CEP70: variants seen among roughly 807,000 people sequenced by gnomAD.
CEP70 encodes the protein centrosomal protein of 70 kDa.
CEP70 carries 70 observed loss-of-function variants against 90.9 expected under a neutral mutation model. That is an observed-to-expected ratio of 0.77 (90% CI 0.64 to 0.94). CEP70 has a LOEUF of 0.94. CEP70 is among the 40% of genes least tolerant of loss of function. The probability of loss-of-function intolerance (pLI) is 0.00; values close to 1 mark genes in which losing one functional copy is unlikely to be tolerated. For synonymous variants in CEP70, 220 were observed against 228.3 expected (o/e 0.96, Z 0.33); for missense variants, 648 against 669.0 (o/e 0.97, Z 0.35).
rs190935540 is a variant in CEP70 at position 138,551,702 on chromosome 3, C to T, written c.466-14355G>A. The stretch of plus-strand genomic sequence containing the variant: ...CAGAGGTTGCAGTGAGCCGATATCC[C>T]GCCACTGCACTCCAGCCTGGGTGAC... On this transcript the variant is annotated intron_variant, in intron 6 of 17. Coordinates refer to ENST00000264982, the MANE Select transcript of CEP70 (RefSeq NM_024491.4). 7.9e-4 allele frequency among the ~76,000 whole-genome samples: 119 copies of T among 150,922 alleles called. 1 individual carries two copies. In the East Asian group the frequency reaches 0.021, roughly 26 times the overall value.
chr3:138,570,581 C>T, intron 5 of CEP70, 83 bp from the exon 6 acceptor site: 1 of 1,068,922 alleles, frequency 9.4e-7, no homozygotes, highest in Non-Finnish European at 1.4e-6. Flanking sequence ...GAATGTATTG[C>T]CTTTCTAAAG....
Position 138,508,465 on chromosome 3 carries a change from C to T in CEP70, c.1024G>A (p.Ala342Thr), listed in dbSNP as rs1334787785. Reference protein sequence around the residue: ...DEPSKYNQQQALIDQRYFQVL... With the variant: ...DEPSKYNQQQTLIDQRYFQVL... ...TGAAAGTATCTCTGGTCAATTAGGG[C>T]CTGTTGCTGATTATATTTGCTGGGC... The change falls in exon 12 of 18, where the codon GCC (alanine) becomes ACC (threonine). Residue 342 changes from alanine (A) to threonine (T), a missense_variant. Physicochemically the swap from Ala to Thr is moderately conservative, Grantham distance 58. Transcript: ENST00000264982. 6.2e-7 allele frequency: 1 copy of T among 1,610,434 alleles called. No individual in the cohort carries two copies. Among genetic ancestry groups the T allele is most frequent in the Non-Finnish European group, 8.5e-7 (1 of 1,176,988 alleles).
intron 3 of CEP70, 65 bp downstream of exon 3, chr3:138,572,794 T>C: frequency 8.6e-6 from 9 of 1,044,238 alleles, no homozygotes; most frequent in Middle Eastern, 2.1e-4. Context: ...ATTTTCCTGT[T>C]TGTAGATGTA....
chr3:138,521,577 T>C (rs28719641), intron 11 of CEP70, among the ~76,000 whole-genome samples: 81,929 of 142,976 alleles, frequency 0.57, 24,011 homozygotes, highest in African/African-American at 0.78. Flanking sequence ...CCGGCCGCCC[T>C]GTCTGGGAGG....
chr3:138,548,046 A>G (rs1041121845), intron 6 of CEP70, among the ~76,000 whole-genome samples: 2 of 152,216 alleles, frequency 1.3e-5, no homozygotes, highest in Non-Finnish European at 2.9e-5. Context: ...TTATCCTGAT[A>G]CCAAAGCCAG....
intron 11 of CEP70, among the ~76,000 whole-genome samples, chr3:138,519,952 G>C (rs1366882868): frequency 4.6e-5 from 7 of 152,128 alleles, no homozygotes; most frequent in Non-Finnish European, 8.8e-5. Flanking sequence ...CACATGCAGA[G>C]ACACACATAG....
chr3:138,560,839 G>C (rs985048399), intron 6 of CEP70, among the ~76,000 whole-genome samples: 3 of 152,058 alleles, frequency 2.0e-5, no homozygotes, highest in African/African-American at 7.2e-5. Context: ...CTCTGGGTAG[G>C]GCACCTCTGA....
chr3:138,583,083 T>A (rs1576943692), intron 2 of CEP70, among the ~76,000 whole-genome samples: 1 of 152,228 alleles, frequency 6.6e-6, no homozygotes, highest in East Asian at 1.9e-4. Context: ...ACTTCACCTA[T>A]AAAGACACAT....
intron 11 of CEP70, among the ~76,000 whole-genome samples, chr3:138,515,467 CAA>C (rs145902706): frequency 2.1e-4 from 14 of 65,400 alleles, no homozygotes; most frequent in African/African-American, 6.7e-4. Context: ...CATAGAAATG[CAA>C]AAAAAAAAAA....
intron 6 of CEP70, among the ~76,000 whole-genome samples, chr3:138,559,629 G>A (rs2040255241): frequency 1.3e-5 from 2 of 152,196 alleles, no homozygotes; most frequent in African/African-American, 4.8e-5. Context: ...GGTGACTGAG[G>A]TGGGAGGATC....
chr3:138,520,591 C>A (rs571942020), intron 11 of CEP70, among the ~76,000 whole-genome samples: 1 of 152,178 alleles, frequency 6.6e-6, no homozygotes, highest in East Asian at 1.9e-4. Flanking sequence ...CTACTGGGTA[C>A]ATAACAAAAT....
chr3:138,522,040 G>C lies in CEP70; in HGVS notation c.944+3450C>G, dbSNP rs570687027. On this transcript the variant is annotated intron_variant, in intron 11 of 17. Coordinates refer to ENST00000264982, the MANE Select transcript of CEP70 (RefSeq NM_024491.4). ...GTCAACTCAGGGTTAAATGGATTAAGGGCGGTGCAAGATGTGCTTTGTTAA... is the reference window on the plus strand; with the variant it reads ...GTCAACTCAGGGTTAAATGGATTAACGGCGGTGCAAGATGTGCTTTGTTAA... Among the ~76,000 whole-genome samples, 5 of 152,274 alleles carry C rather than the reference G, an allele frequency of 3.3e-5. No individual in the cohort carries two copies. In the East Asian group the frequency reaches 5.8e-4, roughly 18 times the overall value.
intron 8 of CEP70, 148 bp downstream of exon 8, chr3:138,532,366 C>A: frequency 1.9e-6 from 1 of 536,680 alleles, no homozygotes. Flanking sequence ...TTGTAAAATA[C>A]AGTCTTCAAG....
Position 138,529,375 on chromosome 3 carries a change from C to G in CEP70, c.780G>C (p.Met260Ile), listed in dbSNP as rs146572731. 2.1e-5 allele frequency: 33 copies of G among 1,600,098 alleles called. No homozygotes were observed. Among genetic ancestry groups the G allele is most frequent in the Non-Finnish European group, 2.7e-5 (32 of 1,171,162 alleles). The part of the protein sequence containing the change: ...DASPTYKGLL[M>I]SLQNQLKESK... Reference sequence around the variant, plus strand: ...TTTATTAGTTATGCAGTCCCCATACCATTAAAAGGCCTTTATAAGTTGGTG... The same window carrying G: ...TTTATTAGTTATGCAGTCCCCATACGATTAAAAGGCCTTTATAAGTTGGTG... The change falls in exon 9 of 18, where the codon ATG (methionine) becomes ATC (isoleucine). Residue 260 changes from methionine to isoleucine, a missense_variant and splice_region_variant. By Grantham distance (10) the Met-to-Ile change is conservative. Transcript: ENST00000264982.
At chr3:138,507,343 T>C (rs895912793) in intron 12 of CEP70, among the ~76,000 whole-genome samples, 9 of 152,196 alleles carry the variant, frequency 5.9e-5, no homozygotes, top group African/African-American at 2.2e-4. Flanking sequence ...AAGGTGTCAT[T>C]TCTCCAAATA....
At chr3:138,521,721 C>T (rs553087282) in intron 11 of CEP70, among the ~76,000 whole-genome samples, 2 of 151,238 alleles carry the variant, frequency 1.3e-5, no homozygotes, top group Admixed American at 6.6e-5. Context: ...AGACCCTCTG[C>T]CCCGCCGCCA....
At chr3:138,508,584 T>G (rs778125293) in intron 11 of CEP70, 40 bp from the exon 12 acceptor site, 1 of 1,248,802 alleles carries the variant, frequency 8.0e-7, no homozygotes, top group South Asian at 1.2e-5. Flanking sequence ...CAAAATTACT[T>G]CCTAGACACT....
At chr3:138,577,663 A>T (rs1267939952) in intron 2 of CEP70, among the ~76,000 whole-genome samples, 8 of 152,118 alleles carry the variant, frequency 5.3e-5, no homozygotes, top group Non-Finnish European at 1.2e-4. Context: ...AAATAAAAAA[A>T]TTTTTAAAAA....
At chr3:138,556,609 G>C (rs1358883019) in intron 6 of CEP70, among the ~76,000 whole-genome samples, 1 of 150,146 alleles carries the variant, frequency 6.7e-6, no homozygotes, top group African/African-American at 2.5e-5. Context: ...TTTTCCCTAA[G>C]CATCGTCCGG....
Sources: gnomAD v4.1 joint callset for allele counts (sites outside exome capture counted in the v4.1 genomes callset) on GRCh38, gnomAD v4.1.1 for gene constraint, MANE v1.5 for transcripts, NCBI Gene and HGNC (gene_info 2026-07-23, HGNC 2026-07-21) for gene names.